UNC5C: variants seen among roughly 807,000 people sequenced by gnomAD.
UNC5C encodes the protein netrin receptor UNC5C.
A neutral mutation model predicts 99.8 loss-of-function variants in UNC5C; 47 were observed. That is an observed-to-expected ratio of 0.47 (90% CI 0.37 to 0.60). UNC5C has a LOEUF of 0.60. Among genes scored for constraint, UNC5C ranks in the 20% least tolerant of loss-of-function variants. The pLI, the probability that UNC5C is intolerant of heterozygous loss-of-function variation, is 0.00. For synonymous variants in UNC5C, 487 were observed against 452.2 expected, an observed-to-expected ratio of 1.08 and a Z score of -0.98; for missense variants, 1,062 against 1,165.9, an observed-to-expected ratio of 0.91 and a Z score of 1.30.
intron 1 of UNC5C, among the ~76,000 whole-genome samples, chr4:95,499,630 G>C (rs539101058): frequency 6.6e-6 from 1 of 152,122 alleles, no homozygotes; most frequent in South Asian, 2.1e-4. Context: ...GTGAAGTTGT[G>C]GGGAGAAAAA....
intron 7 of UNC5C, among the ~76,000 whole-genome samples, chr4:95,234,084 G>C (rs1292565702): frequency 1.3e-5 from 2 of 152,042 alleles, no homozygotes; most frequent in African/African-American, 2.4e-5. Context: ...TGCTTCTTCT[G>C]TATCTTTCTA....
At chr4:95,481,380 A>G (rs1721148364) in intron 1 of UNC5C, among the ~76,000 whole-genome samples, 1 of 151,976 alleles carries the variant, frequency 6.6e-6, no homozygotes, top group African/African-American at 2.4e-5. Flanking sequence ...AAATGGAACA[A>G]CATTCCATGC....
chr4:95,468,540 G>T (rs1747869107), intron 1 of UNC5C, among the ~76,000 whole-genome samples: 1 of 152,084 alleles, frequency 6.6e-6, no homozygotes, highest in African/African-American at 2.4e-5. Context: ...TACAACATCT[G>T]GGCACAGTTT....
rs543499134 is a variant in UNC5C, at chr4:95,362,879, A to T, written c.125-27248T>A. On this transcript the variant is annotated intron_variant, in intron 1 of 15. Coordinates refer to ENST00000453304, the MANE Select transcript of UNC5C (RefSeq NM_003728.4). The stretch of plus-strand genomic sequence containing the variant: ...AATGAAACAAGTTATAAAGGAGTTT[A>T]TAGGCAAGTGGAAATACAAATGTGT... Among the ~76,000 whole-genome samples the T allele has an allele frequency of 2.0e-5, 3 of 152,332 alleles. No homozygotes were observed. In the South Asian group the frequency reaches 6.2e-4, roughly 32 times the overall value.
intron 1 of UNC5C, among the ~76,000 whole-genome samples, chr4:95,479,411 T>C (rs1721064698): frequency 6.6e-6 from 1 of 151,940 alleles, no homozygotes; most frequent in African/African-American, 2.4e-5. Context: ...AAGCAAGAGA[T>C]ATGTTTCCTT....
intron 6 of UNC5C, among the ~76,000 whole-genome samples, chr4:95,244,036 A>G (rs1739415068): frequency 6.6e-6 from 1 of 152,234 alleles, no homozygotes. Flanking sequence ...TGTAAAGTGT[A>G]GATTATGTAT....
intron 1 of UNC5C, among the ~76,000 whole-genome samples, chr4:95,424,678 C>T (rs1198039224): frequency 6.0e-5 from 9 of 151,150 alleles, no homozygotes; most frequent in South Asian, 4.2e-4. Flanking sequence ...CCCCCCACCA[C>T]GCCCAGCTAA....
chr4:95,351,643 C>G (rs959114990), intron 1 of UNC5C, among the ~76,000 whole-genome samples: 1 of 151,782 alleles, frequency 6.6e-6, no homozygotes, highest in Non-Finnish European at 1.5e-5. Flanking sequence ...TATGACCATG[C>G]CACTGAACTC....
At chr4:95,235,823 GAC>G (rs1327058569) in intron 7 of UNC5C, among the ~76,000 whole-genome samples, 1 of 152,016 alleles carries the variant, frequency 6.6e-6, no homozygotes, top group East Asian at 1.9e-4. Context: ...GCAGCCAAAA[GAC>G]ACATGAAAAA....
chr4:95,204,727 T>C (rs1737812797), intron 11 of UNC5C, among the ~76,000 whole-genome samples: 1 of 152,192 alleles, frequency 6.6e-6, no homozygotes, highest in Non-Finnish European at 1.5e-5. Context: ...CCCACTGTAT[T>C]CCAGTGGGCC....
chr4:95,397,410 G>A (rs1745547133), intron 1 of UNC5C, among the ~76,000 whole-genome samples: 2 of 152,082 alleles, frequency 1.3e-5, no homozygotes, highest in East Asian at 3.8e-4. Context: ...GTTTTAAATA[G>A]TAACATTAAA....
At chr4:95,256,377 C>G (rs564717129) in intron 4 of UNC5C, among the ~76,000 whole-genome samples, 1 of 152,184 alleles carries the variant, frequency 6.6e-6, no homozygotes, top group Admixed American at 6.5e-5. Context: ...CACTTAATGC[C>G]AACTGTAGCC....
intron 1 of UNC5C, among the ~76,000 whole-genome samples, chr4:95,459,587 T>C (rs1226933520): frequency 1.3e-5 from 2 of 152,184 alleles, no homozygotes; most frequent in African/African-American, 4.8e-5. Context: ...TACAAGCCAA[T>C]TCAATGCAGT....
chr4:95,354,479 A>ATATATTTTTTTTTT, intron 1 of UNC5C, among the ~76,000 whole-genome samples: 5,242 of 109,490 alleles, frequency 0.048, 219 homozygotes, highest in East Asian at 0.065. Context: ...ATATATATAT[A>ATATATTTTTTTTTT]TTTTTTTTTT....
intron 7 of UNC5C, among the ~76,000 whole-genome samples, chr4:95,240,256 C>A (rs548681566): frequency 2.0e-5 from 3 of 152,150 alleles, no homozygotes; most frequent in Non-Finnish European, 4.4e-5. Context: ...CTGTTAGAAG[C>A]CTTTGTTTTC....
chr4:95,383,409 C>T (rs6419133), intron 1 of UNC5C, among the ~76,000 whole-genome samples: 1 of 151,412 alleles, frequency 6.6e-6, no homozygotes, highest in Non-Finnish European at 1.5e-5. Flanking sequence ...TAAACACATA[C>T]GATATACTGG....
At chr4:95,363,642 C>T (rs890947775) in intron 1 of UNC5C, among the ~76,000 whole-genome samples, 1 of 152,098 alleles carries the variant, frequency 6.6e-6, no homozygotes, top group Non-Finnish European at 1.5e-5. Context: ...TATAATGCCC[C>T]TTCTGAAACA....
intron 14 of UNC5C, among the ~76,000 whole-genome samples, chr4:95,178,409 T>G (rs534244604): frequency 6.6e-6 from 1 of 152,338 alleles, no homozygotes; most frequent in East Asian, 1.9e-4. Flanking sequence ...CACACTCTGC[T>G]CTGTGCACAT....
At chr4:95,391,754 T>A (rs1296510440) in intron 1 of UNC5C, among the ~76,000 whole-genome samples, 6 of 111,310 alleles carry the variant, frequency 5.4e-5, no homozygotes, top group Non-Finnish European at 7.5e-5. Context: ...TGTCCTTTCA[T>A]GGTAAAAAAA....
Sources: allele counts gnomAD v4.1 joint callset (sites outside exome capture counted in the v4.1 genomes callset), GRCh38; gene constraint gnomAD v4.1.1; transcripts MANE v1.5; gene names NCBI Gene and HGNC (gene_info 2026-07-23, HGNC 2026-07-21).